PPA2: variants seen among roughly 807,000 people sequenced by gnomAD.
PPA2 encodes the protein inorganic pyrophosphatase 2, also known as inorganic pyrophosphatase 2, mitochondrial.
A neutral mutation model predicts 49.5 loss-of-function variants in PPA2; 48 were observed. The observed-to-expected ratio is 0.97, with a 90% CI of 0.77 to 1.23. The LOEUF (loss-of-function observed/expected upper bound fraction) is 1.23. Among genes scored for constraint, PPA2 ranks in the 50% most tolerant of loss-of-function variants. The pLI is 0.00. For missense variants in PPA2, 429 were observed against 410.1 expected, an observed-to-expected ratio of 1.05 and a Z score of -0.40; for synonymous variants, 131 against 139.9, an observed-to-expected ratio of 0.94 and a Z score of 0.45.
chr4:105,392,093 G>T (rs1733945109), intron 9 of PPA2, among the ~76,000 whole-genome samples: 1 of 152,080 alleles, frequency 6.6e-6, no homozygotes, highest in African/African-American at 2.4e-5. Context: ...TATATCAACT[G>T]GTTGAAGAGA....
rs764493276 is a variant in PPA2, at chr4:105,456,740, C to T, written c.163G>A (p.Val55Ile). Residue 55 changes from valine to isoleucine, a missense_variant, in exon 2 of 12, where the codon GTA becomes ATA. Transcript: ENST00000341695. The part of the protein sequence containing the change: ...SQNYRLFFKN[V>I]TGHYISPFHD... ...AAGGGGGAAATGTAGTGACCAGTTA[C>T]ATTCTCTGCAAAGACACAAACAAAC... The T allele has an allele frequency of 6.2e-7, 1 of 1,603,694 alleles. No homozygotes were observed. The highest frequency in any genetic ancestry group is 8.5e-7 in the Non-Finnish European group (1 of 1,173,374).
intron 7 of PPA2, among the ~76,000 whole-genome samples, chr4:105,406,543 G>C (rs1367087251): frequency 2.6e-5 from 4 of 152,040 alleles, no homozygotes; most frequent in African/African-American, 7.2e-5. Flanking sequence ...CAAAGATAAG[G>C]AGAAAATCTT....
At chr4:105,414,286 G>T (rs974640636) in intron 7 of PPA2, among the ~76,000 whole-genome samples, 1 of 152,128 alleles carries the variant, frequency 6.6e-6, no homozygotes. Flanking sequence ...TAAACCTATG[G>T]CTCAGTAATA....
Position 105,419,136 on chromosome 4 carries a change from GTTTTTTTGTT to G in PPA2, c.655+5050_655+5059del, listed in dbSNP as rs372297524. 8.3e-3 allele frequency among the ~76,000 whole-genome samples: 1,171 copies of G among 141,342 alleles called. 18 individuals are homozygous for G. The highest frequency in any genetic ancestry group is 0.032 in the African/African-American group (1,065 of 33,644). The allele number at this position is 141,342 out of a possible 152,430, so 92.7% of individuals were successfully genotyped here. A position where few individuals can be genotyped will look rare whatever the true frequency, so the allele number is the denominator to read the frequency against. On this transcript the variant is annotated intron_variant, in intron 7 of 11. Transcript: ENST00000341695. ...GGGCATAAAATGGTCTTAGTGCTCTGTTTTTTTGTTTTGTTTTGTTTTGTTTTGTTTTATG... is the reference window on the plus strand; with the variant it reads ...GGGCATAAAATGGTCTTAGTGCTCTGTTGTTTTGTTTTGTTTTGTTTTATG...
chr4:105,397,298 C>A (rs1734188620), intron 8 of PPA2, among the ~76,000 whole-genome samples: 2 of 152,184 alleles, frequency 1.3e-5, no homozygotes, highest in South Asian at 2.1e-4. Flanking sequence ...CGATTGCCTG[C>A]GATGGAGGAC....
At chr4:105,390,440 A>G (rs1733866482) in intron 9 of PPA2, among the ~76,000 whole-genome samples, 1 of 149,304 alleles carries the variant, frequency 6.7e-6, no homozygotes, top group African/African-American at 2.5e-5. Context: ...TCCAGAATCT[A>G]CAAGGAACTT....
chr4:105,401,558 C>A (rs1722194397), intron 7 of PPA2, among the ~76,000 whole-genome samples: 1 of 152,024 alleles, frequency 6.6e-6, no homozygotes, highest in Non-Finnish European at 1.5e-5. Flanking sequence ...TGTAGGACAT[C>A]TTTGATTAGA....
At chr4:105,410,816 G>C (rs557547743) in intron 7 of PPA2, among the ~76,000 whole-genome samples, 2 of 152,290 alleles carry the variant, frequency 1.3e-5, no homozygotes, top group African/African-American at 4.8e-5. Context: ...GCCAAACTAA[G>C]CTTCATAAGT....
intron 3 of PPA2, among the ~76,000 whole-genome samples, chr4:105,450,836 T>C (rs923218347): frequency 6.6e-6 from 1 of 152,068 alleles, no homozygotes. Context: ...CTCGATCTCC[T>C]GACCTCGTGA....
chr4:105,424,450 A>G, intron 6 of PPA2, 128 bp from the exon 7 acceptor site: 1 of 875,868 alleles, frequency 1.1e-6, no homozygotes, highest in Admixed American at 4.0e-5. Flanking sequence ...ATTAAAAATA[A>G]TATGAAAATA....
chr4:105,411,592 C>A (rs1345610146), intron 7 of PPA2, among the ~76,000 whole-genome samples: 1 of 152,126 alleles, frequency 6.6e-6, no homozygotes, highest in Non-Finnish European at 1.5e-5. Context: ...CCAGCCAGGA[C>A]AATCAGGGAA....
intron 2 of PPA2, among the ~76,000 whole-genome samples, chr4:105,455,742 T>C (rs1238596930): frequency 6.6e-6 from 1 of 152,194 alleles, no homozygotes; most frequent in African/African-American, 2.4e-5. Context: ...ATTCAGCCTC[T>C]GAGGTAACAC....
intron 1 of PPA2, among the ~76,000 whole-genome samples, chr4:105,462,480 C>G (rs776886885): frequency 3.3e-5 from 5 of 152,222 alleles, no homozygotes; most frequent in Non-Finnish European, 5.9e-5. Flanking sequence ...AACCCATTTT[C>G]AACTCTTTGT....
At position 105,451,449 on chromosome 4, in the gene PPA2, G is replaced by T. The variant is rs190219940; in HGVS notation, c.268-2046C>A. On this transcript the variant is annotated intron_variant, in intron 3 of 11. Coordinates refer to ENST00000341695, the MANE Select transcript of PPA2 (RefSeq NM_176869.3). ...CTCAATAGCTGCTCCTTAGAAGTAT[G>T]TCTCATACCTATCTTAGCAACCTTA... Among the ~76,000 whole-genome samples the T allele has an allele frequency of 3.3e-5, 5 of 152,328 alleles. No individual in the cohort carries two copies. In the East Asian group the frequency reaches 9.6e-4, roughly 29 times the overall value.
At chr4:105,421,787 A>C (rs996549941) in intron 7 of PPA2, among the ~76,000 whole-genome samples, 1 of 152,236 alleles carries the variant, frequency 6.6e-6, no homozygotes, top group Non-Finnish European at 1.5e-5. Flanking sequence ...TCAAACCTGT[A>C]ATCCCAGTAC....
At chr4:105,395,433 G>A (rs891873672) in intron 9 of PPA2, among the ~76,000 whole-genome samples, 1 of 151,958 alleles carries the variant, frequency 6.6e-6, no homozygotes, top group African/African-American at 2.4e-5. Flanking sequence ...AGTTGTTTTA[G>A]TTCTTAAATG....
intron 6 of PPA2, among the ~76,000 whole-genome samples, chr4:105,436,224 T>C (rs537517872): frequency 2.6e-5 from 4 of 151,210 alleles, no homozygotes; most frequent in Admixed American, 2.6e-4. Flanking sequence ...CACACACGCA[T>C]CATACACACA....
At chr4:105,374,778 G>T (rs1398241527) in intron 10 of PPA2, among the ~76,000 whole-genome samples, 1 of 151,876 alleles carries the variant, frequency 6.6e-6, no homozygotes. Flanking sequence ...AAAAAAATAG[G>T]TTCCCAATTT....
chr4:105,420,944 T>C (rs180899092), intron 7 of PPA2, among the ~76,000 whole-genome samples: 2 of 152,264 alleles, frequency 1.3e-5, no homozygotes, highest in Non-Finnish European at 2.9e-5. Context: ...GATTCAACCA[T>C]GAAGCAAAAT....
Sources: allele counts gnomAD v4.1 joint callset (sites outside exome capture counted in the v4.1 genomes callset), GRCh38; gene constraint gnomAD v4.1.1; transcripts MANE v1.5; gene names NCBI Gene and HGNC (gene_info 2026-07-23, HGNC 2026-07-21).